GLYATL3: variants seen among roughly 807,000 people sequenced by gnomAD.
GLYATL3 encodes the protein glycine N-acyltransferase-like protein 3.
GLYATL3 carries 31 observed loss-of-function variants against 28.5 expected under a neutral mutation model. The ratio of observed to expected loss-of-function variants is 1.09; its 90% CI spans 0.82 to 1.47. The LOEUF is 1.47. Ranked by LOEUF, GLYATL3 falls within the 40% of genes most tolerant of loss-of-function variation. The probability of loss-of-function intolerance (pLI) is 0.00; values close to 1 mark genes in which losing one functional copy is unlikely to be tolerated. For missense variants in GLYATL3, 369 were observed against 351.5 expected (o/e 1.05, Z -0.40); for synonymous variants, 141 against 140.2 (o/e 1.01, Z -0.04).
chr6:49,521,545 T>G (rs1161442885), intron 4 of GLYATL3, 100 bp from the exon 5 acceptor site: 6 of 937,682 alleles, frequency 6.4e-6, no homozygotes, highest in Non-Finnish European at 8.1e-6. Context: ...GGCAAACTGC[T>G]AGTATTGATG....
Position 49,526,489 on chromosome 6 carries a change from A to G in GLYATL3, c.442A>G (p.Lys148Glu). 1 of 1,550,950 alleles carries G rather than the reference A, an allele frequency of 6.4e-7. No individual in the cohort carries two copies. The highest frequency in any genetic ancestry group is 1.2e-5 in the South Asian group (1 of 83,986). The change falls in exon 6 of 6, where the codon AAG (lysine) becomes GAG (glutamate). Residue 148 changes from lysine (K) to glutamate (E), a missense_variant and splice_region_variant. Coordinates refer to ENST00000371197, the MANE Select transcript of GLYATL3 (RefSeq NM_001010904.2). ...VSSLPDTSFL[K>E]GPSPRLTYLS... ...TGTTTTTGTGTCATTCTGGTCTAGCAAGGGGCCTTCCCCACGACTAACCTA... is the reference window on the plus strand; with the variant it reads ...TGTTTTTGTGTCATTCTGGTCTAGCGAGGGGCCTTCCCCACGACTAACCTA...
chr6:49,502,629 A>G (rs187204370), intron 1 of GLYATL3, among the ~76,000 whole-genome samples: 1 of 152,298 alleles, frequency 6.6e-6, no homozygotes, highest in African/African-American at 2.4e-5. Flanking sequence ...CCAATTTTTG[A>G]TCAATACCTG....
chr6:49,517,526 T>C lies in GLYATL3; in HGVS notation c.283T>C (p.Phe95Leu), dbSNP rs1346223031. ...ACAGCTATTGGAAGAATGTGATGTT[T>C]TTAACTGGGACCAAGTTTTTCAAAT... is the stretch of plus-strand genomic sequence containing the variant. Reference protein sequence around the residue: ...YRQLLEECDVFNWDQVFQIQG... With the variant: ...YRQLLEECDVLNWDQVFQIQG... The change falls in exon 4 of 6, where the codon TTT (phenylalanine) becomes CTT (leucine). Residue 95 changes from phenylalanine (F) to leucine (L), a missense_variant. By Grantham distance (22) the Phe-to-Leu change is conservative. Transcript: ENST00000371197. 5.8e-6 allele frequency: 9 copies of C among 1,551,302 alleles called. No homozygotes were observed. The South Asian group carries it at 7.2e-5, about 12-fold the overall frequency.
At chr6:49,517,682 A>G in intron 4 of GLYATL3, 126 bp downstream of exon 4, 1 of 574,998 alleles carries the variant, frequency 1.7e-6, no homozygotes, top group Non-Finnish European at 2.8e-6. Flanking sequence ...TGTATGTATA[A>G]ATACATACAC....
At chr6:49,512,217 A>G (rs9395500) in intron 2 of GLYATL3, 149 bp downstream of exon 2, 227,607 of 414,178 alleles carry the variant, frequency 0.55, 66,589 homozygotes, top group Non-Finnish European at 0.64. Flanking sequence ...CCCTCCTGCT[A>G]GAGACAGATT....
At chr6:49,516,976 T>C (rs1229004290) in intron 3 of GLYATL3, among the ~76,000 whole-genome samples, 3 of 150,836 alleles carry the variant, frequency 2.0e-5, no homozygotes, top group African/African-American at 7.3e-5. Context: ...GCCAACACGG[T>C]GAAACCCCAT....
intron 2 of GLYATL3, 32 bp from the exon 3 acceptor site, chr6:49,515,621 T>C: frequency 8.0e-7 from 1 of 1,243,594 alleles, no homozygotes; most frequent in Non-Finnish European, 1.2e-6. Context: ...GCTAATAGTA[T>C]GATTGGCTTG....
intron 1 of GLYATL3, among the ~76,000 whole-genome samples, chr6:49,510,438 T>C (rs1769101426): frequency 6.6e-6 from 1 of 152,208 alleles, no homozygotes; most frequent in African/African-American, 2.4e-5. Flanking sequence ...ACTCTTTTCA[T>C]TTGCTACTTC....
At chr6:49,512,141 T>C in intron 2 of GLYATL3, 73 bp downstream of exon 2, 2 of 769,410 alleles carry the variant, frequency 2.6e-6, no homozygotes, top group South Asian at 2.1e-5. Flanking sequence ...AACTTGTGGC[T>C]ATTTTCCTTT....
At chr6:49,500,623 T>C (rs1026313090) in intron 1 of GLYATL3, among the ~76,000 whole-genome samples, 2 of 152,214 alleles carry the variant, frequency 1.3e-5, no homozygotes, top group Non-Finnish European at 2.9e-5. Flanking sequence ...CTTCAGTTTC[T>C]AAAACTTACA....
At chr6:49,512,630 T>C (rs1200355056) in intron 2 of GLYATL3, among the ~76,000 whole-genome samples, 1 of 152,314 alleles carries the variant, frequency 6.6e-6, no homozygotes, top group Non-Finnish European at 1.5e-5. Flanking sequence ...ATAATAAAAC[T>C]GAGGTTTAGA....
chr6:49,500,081 T>C (rs981617277), intron 1 of GLYATL3, 39 bp downstream of exon 1: 11 of 152,184 alleles, frequency 7.2e-5, no homozygotes, highest in African/African-American at 2.7e-4. Context: ...TTTCAAGTCA[T>C]AGTTTATAAT....
chr6:49,517,208 T>C (rs1472786938), intron 3 of GLYATL3, among the ~76,000 whole-genome samples: 1 of 150,452 alleles, frequency 6.6e-6, no homozygotes, highest in Non-Finnish European at 1.5e-5. Context: ...TCTTTCCTAA[T>C]CCCAGAAGAA....
At chr6:49,524,142 C>T (rs189566554) in intron 5 of GLYATL3, among the ~76,000 whole-genome samples, 30 of 152,260 alleles carry the variant, frequency 2.0e-4, no homozygotes, top group Non-Finnish European at 3.4e-4. Context: ...AACACAACTA[C>T]TCCTGAAACA....
chr6:49,527,227 A>G lies in GLYATL3; in HGVS notation c.*313A>G, dbSNP rs1045421771. Among the ~76,000 whole-genome samples the G allele has an allele frequency of 1.3e-5, 2 of 152,160 alleles. No individual in the cohort carries two copies. The highest frequency in any genetic ancestry group is 4.8e-5 in the African/African-American group (2 of 41,440). ...TACTAGGAGAAATTACTGCATGAGAACAAATGATTTAACAGAGGACCACGT... is the reference window on the plus strand; with the variant it reads ...TACTAGGAGAAATTACTGCATGAGAGCAAATGATTTAACAGAGGACCACGT... On this transcript the variant is annotated 3_prime_UTR_variant, in exon 6 of 6. Coordinates refer to ENST00000371197, the MANE Select transcript of GLYATL3 (RefSeq NM_001010904.2).
chr6:49,507,173 G>T (rs959251088), intron 1 of GLYATL3, among the ~76,000 whole-genome samples: 1 of 152,040 alleles, frequency 6.6e-6, no homozygotes. Flanking sequence ...CTAGTAGGGG[G>T]GTCAGCTACC....
intron 1 of GLYATL3, among the ~76,000 whole-genome samples, chr6:49,503,058 G>C (rs1768942638): frequency 6.6e-6 from 1 of 151,644 alleles, no homozygotes; most frequent in Non-Finnish European, 1.5e-5. Flanking sequence ...AAGTGGTATA[G>C]TTTTATTGGA....
chr6:49,522,484 A>G (rs1769332850), intron 5 of GLYATL3, among the ~76,000 whole-genome samples: 1 of 152,226 alleles, frequency 6.6e-6, no homozygotes, highest in Admixed American at 6.5e-5. Flanking sequence ...TGTTTTTTAA[A>G]TTAATATCAT....
chr6:49,510,916 CAGG>C (rs1769111593), intron 1 of GLYATL3, among the ~76,000 whole-genome samples: 1 of 152,176 alleles, frequency 6.6e-6, no homozygotes, highest in Admixed American at 6.5e-5. Flanking sequence ...TAGAATTTTA[CAGG>C]AGATTTTAGG....
Sources: gnomAD v4.1 joint callset for allele counts (sites outside exome capture counted in the v4.1 genomes callset) on GRCh38, gnomAD v4.1.1 for gene constraint, MANE v1.5 for transcripts, NCBI Gene and HGNC (gene_info 2026-07-23, HGNC 2026-07-21) for gene names.